Variants in TENM2 observed in about 807,000 individuals in gnomAD.
The protein encoded by TENM2 is teneurin-2.
A neutral mutation model predicts 245.2 loss-of-function variants in TENM2; 52 were observed. The observed-to-expected ratio is 0.21, with a 90% CI of 0.17 to 0.27. The LOEUF (loss-of-function observed/expected upper bound fraction) is 0.27. Ranked by LOEUF, TENM2 falls within the 10% of genes least tolerant of loss-of-function variation. The pLI is 1.00. For missense variants in TENM2, 3,046 were observed against 3,666.8 expected (o/e 0.83, Z 4.37); for synonymous variants, 1,363 against 1,438.9 (o/e 0.95, Z 1.19).
the TENM2 span, among the ~76,000 whole-genome samples, chr5:167,239,744 G>C: frequency 3.3e-5 from 5 of 152,096 alleles, no homozygotes; most frequent in South Asian, 2.1e-4. Flanking sequence ...ATTTATTCAT[G>C]GATAAATTAA....
chr5:167,245,281 G>C, the TENM2 span, among the ~76,000 whole-genome samples: 4 of 152,154 alleles, frequency 2.6e-5, no homozygotes, highest in Non-Finnish European at 5.9e-5. Flanking sequence ...CAGACAAAGG[G>C]TGCACGGTAG....
Position 168,199,238 on chromosome 5 carries a change from A to G in TENM2, c.3162+124A>G, listed in dbSNP as rs1761726712. 10 of 1,004,810 alleles carry G rather than the reference A, an allele frequency of 1.0e-5. No individual in the cohort carries two copies. The Admixed American group carries it at 2.5e-4, about 25-fold the overall frequency. The allele number at this position is 1,004,810 out of a possible 1,614,324, so 62.2% of individuals were successfully genotyped here. A position where few individuals can be genotyped will look rare whatever the true frequency, so the allele number is the denominator to read the frequency against. On this transcript the variant is annotated intron_variant, in intron 16 of 28. Transcript: ENST00000518659. ...GGGGAGTAAAAAAAGTGGGAGCATAATAAAATTTATAGCCACCAGAGATGA... is the reference window on the plus strand; with the variant it reads ...GGGGAGTAAAAAAAGTGGGAGCATAGTAAAATTTATAGCCACCAGAGATGA...
At chr5:168,089,807 A>G (rs1210784667) in intron 7 of TENM2, among the ~76,000 whole-genome samples, 1 of 152,212 alleles carries the variant, frequency 6.6e-6, no homozygotes, top group Non-Finnish European at 1.5e-5. Flanking sequence ...TAAAATGATA[A>G]TAACGATCAT....
intron 27 of TENM2, among the ~76,000 whole-genome samples, chr5:168,254,311 G>A (rs1328227939): frequency 6.6e-6 from 1 of 152,222 alleles, no homozygotes; most frequent in Non-Finnish European, 1.5e-5. Context: ...AGGAGGAGGG[G>A]TGTTGTGTTG....
the TENM2 span, among the ~76,000 whole-genome samples, chr5:167,183,121 T>A: frequency 6.6e-6 from 1 of 152,106 alleles, no homozygotes; most frequent in Non-Finnish European, 1.5e-5. Context: ...CTCACCATGG[T>A]TTTCTGTGAA....
At chr5:167,398,307 G>A (rs1762169318) in intron 2 of TENM2, among the ~76,000 whole-genome samples, 1 of 151,990 alleles carries the variant, frequency 6.6e-6, no homozygotes, top group African/African-American at 2.4e-5. Context: ...GCAAAATGTG[G>A]ATAATAATTG....
At chr5:168,233,355 A>T (rs1344649217) in intron 25 of TENM2, among the ~76,000 whole-genome samples, 1 of 152,118 alleles carries the variant, frequency 6.6e-6, no homozygotes, top group Non-Finnish European at 1.5e-5. Flanking sequence ...ACATCATGGC[A>T]TCTGTGAGCT....
At chr5:167,952,735 C>A in exon 4 of TENM2, 1 of 1,597,896 alleles carries the variant, frequency 6.3e-7, no homozygotes, top group East Asian at 2.3e-5. Flanking sequence ...GCCCCGGCCC[C>A]AGCGCCCAAT....
chr5:166,999,411 G>T, the TENM2 span, among the ~76,000 whole-genome samples: 7 of 152,230 alleles, frequency 4.6e-5, no homozygotes, highest in Admixed American at 4.6e-4. Flanking sequence ...TCGAAAAGTA[G>T]TGGGGATGCA....
At chr5:167,167,269 T>C in the TENM2 span, among the ~76,000 whole-genome samples, 1 of 152,302 alleles carries the variant, frequency 6.6e-6, no homozygotes, top group East Asian at 1.9e-4. Flanking sequence ...AAAATTAGGT[T>C]ATCTTTGTAA....
chr5:167,919,515 C>T (rs1412848992), intron 3 of TENM2, among the ~76,000 whole-genome samples: 4 of 152,212 alleles, frequency 2.6e-5, no homozygotes, highest in Non-Finnish European at 5.9e-5. Flanking sequence ...AGTTTAAGGA[C>T]ACATTATTCC....
At chr5:167,078,607 A>G in the TENM2 span, among the ~76,000 whole-genome samples, 1 of 152,200 alleles carries the variant, frequency 6.6e-6, no homozygotes, top group Non-Finnish European at 1.5e-5. Flanking sequence ...TGTTATTCCC[A>G]ACAGTCATGT....
intron 3 of TENM2, among the ~76,000 whole-genome samples, chr5:167,880,280 G>A (rs968398544): frequency 7.9e-5 from 12 of 151,946 alleles, no homozygotes; most frequent in Admixed American, 3.3e-4. Context: ...TGACCCACCC[G>A]CCTCAGCCTC....
chr5:167,142,466 A>G, the TENM2 span, among the ~76,000 whole-genome samples: 1 of 151,442 alleles, frequency 6.6e-6, no homozygotes, highest in South Asian at 2.1e-4. Context: ...TTATCCATAT[A>G]TATATAAATA....
chr5:167,484,427 C>A (rs778128761), intron 2 of TENM2, among the ~76,000 whole-genome samples: 1 of 151,990 alleles, frequency 6.6e-6, no homozygotes, highest in Non-Finnish European at 1.5e-5. Context: ...GACAATGTGA[C>A]GAGATCTAGG....
At chr5:167,734,792 C>G (rs1477646071) in intron 2 of TENM2, among the ~76,000 whole-genome samples, 1 of 152,184 alleles carries the variant, frequency 6.6e-6, no homozygotes, top group Non-Finnish European at 1.5e-5. Flanking sequence ...TGATCCTGCA[C>G]AGCAGAGGTG....
intron 1 of TENM2, among the ~76,000 whole-genome samples, chr5:167,372,177 A>G (rs1452778892): frequency 1.3e-5 from 2 of 152,208 alleles, no homozygotes; most frequent in African/African-American, 4.8e-5. Flanking sequence ...TGGCAAATTC[A>G]GCACAGACCT....
At chr5:167,370,709 A>G (rs759386403) in intron 1 of TENM2, among the ~76,000 whole-genome samples, 18 of 152,248 alleles carry the variant, frequency 1.2e-4, no homozygotes, top group Non-Finnish European at 2.2e-4. Flanking sequence ...CACTTTTATC[A>G]GTGATATCAG....
chr5:168,088,061 CTAAGCCAT>C (rs1165185010), intron 7 of TENM2, among the ~76,000 whole-genome samples: 20 of 152,272 alleles, frequency 1.3e-4, no homozygotes, highest in African/African-American at 4.8e-4. Flanking sequence ...GCCACTAGTC[CTAAGCCAT>C]TTCTGTTTCC....
Sources: gnomAD v4.1 joint callset for allele counts (sites outside exome capture counted in the v4.1 genomes callset) on GRCh38, gnomAD v4.1.1 for gene constraint, MANE v1.5 for transcripts, NCBI Gene and HGNC (gene_info 2026-07-23, HGNC 2026-07-21) for gene names.